The following STXBP6 variants were observed in gnomAD, a reference collection of about 807,000 sequenced individuals.
STXBP6 encodes syntaxin binding protein 6.
Under a neutral mutation model 26.9 loss-of-function variants are expected in STXBP6, and 21 were observed. That is an observed-to-expected ratio of 0.78 (90% CI 0.55 to 1.12). The LOEUF (loss-of-function observed/expected upper bound fraction) is 1.12, where lower values mean the gene tolerates loss of function less well. STXBP6 is among the 50% of genes most tolerant of loss of function. The pLI is 0.00. For synonymous variants in STXBP6, 97 were observed against 92.6 expected (o/e 1.05, Z -0.27); for missense variants, 232 against 257.9 (o/e 0.90, Z 0.69).
chr14:24,880,275 A>AAAAAC (rs780910906), intron 2 of STXBP6, among the ~76,000 whole-genome samples: 5 of 152,350 alleles, frequency 3.3e-5, no homozygotes, highest in Admixed American at 1.3e-4. Context: ...TGGTGTTGAA[A>AAAAAC]AAAACAAAAC....
intron 1 of STXBP6, among the ~76,000 whole-genome samples, chr14:25,039,009 T>C (rs2075599300): frequency 6.6e-6 from 1 of 152,058 alleles, no homozygotes; most frequent in Non-Finnish European, 1.5e-5. Context: ...CAGAGTAGAT[T>C]TTAAATGTTC....
chr14:24,951,919 T>G (rs937876325), intron 2 of STXBP6, among the ~76,000 whole-genome samples: 16 of 151,982 alleles, frequency 1.1e-4, no homozygotes, highest in Admixed American at 3.3e-4. Flanking sequence ...TAAATACACA[T>G]CAGGCAATTG....
chr14:25,047,925 G>A (rs1322934021), intron 1 of STXBP6, among the ~76,000 whole-genome samples: 3 of 152,144 alleles, frequency 2.0e-5, no homozygotes, highest in African/African-American at 7.2e-5. Context: ...CTTTCTGACC[G>A]TGCCAATTCT....
intron 1 of STXBP6, among the ~76,000 whole-genome samples, chr14:25,030,475 C>T (rs1264814093): frequency 3.3e-5 from 5 of 152,146 alleles, no homozygotes; most frequent in Admixed American, 2.6e-4. Context: ...TTAATCATGA[C>T]TCTAAGACCT....
chr14:24,906,584 G>A lies in STXBP6; in HGVS notation c.155-49427C>T, dbSNP rs1198332891. Among the ~76,000 whole-genome samples the A allele has an allele frequency of 3.3e-5, 5 of 152,214 alleles. No homozygotes were observed. The East Asian group carries it at 9.6e-4, about 29-fold the overall frequency. ...ACTCATTTGACTGAGATATTTTAAA[G>A]GATTGTTTTGTTATGAAATCTAACC... is the stretch of plus-strand genomic sequence containing the variant. On this transcript the variant is annotated intron_variant, in intron 2 of 5. Transcript: ENST00000323944.
At chr14:24,861,466 C>T (rs1377564932) in intron 2 of STXBP6, among the ~76,000 whole-genome samples, 2 of 152,068 alleles carry the variant, frequency 1.3e-5, no homozygotes, top group Admixed American at 6.6e-5. Flanking sequence ...GAACAGGCTA[C>T]GTGGCCAAGG....
At chr14:25,010,298 ACTT>A (rs1194775613) in intron 1 of STXBP6, among the ~76,000 whole-genome samples, 8 of 152,150 alleles carry the variant, frequency 5.3e-5, no homozygotes, top group South Asian at 2.1e-4. Context: ...CGTTAATAAA[ACTT>A]CTTCTCCGGT....
At chr14:24,991,739 C>T (rs536632821) in intron 1 of STXBP6, among the ~76,000 whole-genome samples, 176 of 152,326 alleles carry the variant, frequency 1.2e-3, no homozygotes, top group South Asian at 4.1e-3. Flanking sequence ...GAAAGAATGC[C>T]TAGAAGACAA....
chr14:24,958,638 T>A (rs1333225333), intron 2 of STXBP6, among the ~76,000 whole-genome samples: 1 of 152,198 alleles, frequency 6.6e-6, no homozygotes, highest in African/African-American at 2.4e-5. Context: ...ATACACTTTT[T>A]GTAACTGAAG....
At chr14:24,837,076 AT>A (rs2068641548) in intron 4 of STXBP6, among the ~76,000 whole-genome samples, 1 of 152,152 alleles carries the variant, frequency 6.6e-6, no homozygotes, top group South Asian at 2.1e-4. Flanking sequence ...TGGCATTGCA[AT>A]TTTTTCTATT....
At position 24,882,155 on chromosome 14, in the gene STXBP6, G is replaced by A. The variant is rs542482786; in HGVS notation, c.155-24998C>T. On this transcript the variant is annotated intron_variant, in intron 2 of 5. Coordinates refer to ENST00000323944, the MANE Select transcript of STXBP6 (RefSeq NM_001394410.1). ...AGCACTTTGGGAGGCCGAGGCGGGCGGATCACGAGGTCAGGAGATCGCGAC... is the reference window on the plus strand; with the variant it reads ...AGCACTTTGGGAGGCCGAGGCGGGCAGATCACGAGGTCAGGAGATCGCGAC... Among the ~76,000 whole-genome samples, 103 of 151,478 alleles carry A rather than the reference G, an allele frequency of 6.8e-4. 1 individual carries two copies. The South Asian group carries it at 0.011, about 16-fold the overall frequency.
At chr14:25,031,058 G>C (rs1000201157) in intron 1 of STXBP6, among the ~76,000 whole-genome samples, 2 of 152,038 alleles carry the variant, frequency 1.3e-5, no homozygotes, top group Middle Eastern at 3.2e-3. Context: ...GGTACGCTTC[G>C]AAATTATTTC....
chr14:24,988,982 C>T (rs1260453625), intron 1 of STXBP6, among the ~76,000 whole-genome samples: 1 of 152,136 alleles, frequency 6.6e-6, no homozygotes, highest in Non-Finnish European at 1.5e-5. Flanking sequence ...AAGGAACAGG[C>T]CTGAGGTTAC....
chr14:24,831,158 TTC>T (rs1226029162), intron 4 of STXBP6, among the ~76,000 whole-genome samples: 3 of 152,158 alleles, frequency 2.0e-5, no homozygotes, highest in African/African-American at 7.2e-5. Context: ...AAGCAATAGT[TTC>T]TTAGTTATGA....
chr14:25,042,463 G>A (rs187801389), intron 1 of STXBP6, among the ~76,000 whole-genome samples: 1 of 152,332 alleles, frequency 6.6e-6, no homozygotes, highest in Admixed American at 6.5e-5. Context: ...GTGGGCAGGA[G>A]AAGGTCAATA....
chr14:24,835,513 T>A (rs777351901), intron 4 of STXBP6, among the ~76,000 whole-genome samples: 2 of 152,202 alleles, frequency 1.3e-5, no homozygotes, highest in Admixed American at 6.5e-5. Flanking sequence ...CATACATGTA[T>A]CCTAGAAGTA....
intron 1 of STXBP6, among the ~76,000 whole-genome samples, chr14:24,997,221 T>G (rs2074627889): frequency 6.6e-6 from 1 of 152,046 alleles, no homozygotes; most frequent in Non-Finnish European, 1.5e-5. Context: ...ACAACAACAC[T>G]CACATACGCA....
intron 1 of STXBP6, among the ~76,000 whole-genome samples, chr14:24,984,358 A>AT (rs1438125050): frequency 1.2e-4 from 19 of 152,238 alleles, no homozygotes; most frequent in Admixed American, 1.2e-3. Flanking sequence ...AGTTTTCTGT[A>AT]ATTGATATAT....
intron 2 of STXBP6, among the ~76,000 whole-genome samples, chr14:24,889,546 C>T (rs1459743530): frequency 2.1e-5 from 3 of 143,992 alleles, no homozygotes; most frequent in Non-Finnish European, 4.5e-5. Flanking sequence ...GCACATGTAC[C>T]CTAAACTTAA....
Sources: gnomAD v4.1 joint callset for allele counts (sites outside exome capture counted in the v4.1 genomes callset) on GRCh38, gnomAD v4.1.1 for gene constraint, MANE v1.5 for transcripts, NCBI Gene and HGNC (gene_info 2026-07-23, HGNC 2026-07-21) for gene names.